ZMYM2: variants seen among roughly 807,000 people sequenced by gnomAD.
The protein encoded by ZMYM2 is zinc finger MYM-type protein 2.
ZMYM2 carries 56 observed loss-of-function variants against 162.8 expected under a neutral mutation model. The observed-to-expected ratio is 0.34, with a 90% CI of 0.28 to 0.43. The LOEUF is 0.43. Among genes scored for constraint, ZMYM2 ranks in the 20% least tolerant of loss-of-function variants. The pLI is 1.00. For synonymous variants in ZMYM2, 510 were observed against 541.6 expected (o/e 0.94, Z 0.81); for missense variants, 1,275 against 1,621.8 (o/e 0.79, Z 3.67).
intron 2 of ZMYM2, among the ~76,000 whole-genome samples, chr13:19,971,250 A>G (rs1397770244): frequency 1.7e-4 from 16 of 91,684 alleles, no homozygotes; most frequent in Non-Finnish European, 2.9e-4. Flanking sequence ...GTGTGTATAT[A>G]TATATATATA....
the ZMYM2 span, among the ~76,000 whole-genome samples, chr13:19,893,837 T>G: frequency 6.6e-6 from 1 of 151,674 alleles, no homozygotes; most frequent in Admixed American, 6.6e-5. Context: ...AAATATATCT[T>G]TTTTAAAGAG....
At chr13:19,956,920 TTC>T (rs1324903716), upstream of ZMYM2, among the ~76,000 whole-genome samples, 1 of 152,196 alleles carries the variant, frequency 6.6e-6, no homozygotes, top group Admixed American at 6.5e-5. Flanking sequence ...GTTGTGATGT[TTC>T]TGTTGTGATG....
At chr13:19,951,976 G>A in the ZMYM2 span, among the ~76,000 whole-genome samples, 2 of 152,236 alleles carry the variant, frequency 1.3e-5, no homozygotes, top group Admixed American at 6.5e-5. Context: ...CCAGGATATG[G>A]AGTATATGTA....
intron 2 of ZMYM2, among the ~76,000 whole-genome samples, chr13:19,962,388 C>T (rs951406982): frequency 2.0e-5 from 3 of 151,034 alleles, no homozygotes; most frequent in African/African-American, 7.3e-5. Flanking sequence ...GTTATATTTC[C>T]TGTCTCTCTA....
At chr13:19,893,705 A>T in the ZMYM2 span, among the ~76,000 whole-genome samples, 1 of 151,896 alleles carries the variant, frequency 6.6e-6, no homozygotes, top group Non-Finnish European at 1.5e-5. Flanking sequence ...ACACGACTGC[A>T]GTCTAGCCTG....
chr13:20,006,492 A>G lies in ZMYM2; in HGVS notation c.1418A>G (p.Tyr473Cys), dbSNP rs575598366. The change falls in exon 6 of 25, where the codon TAC becomes TGC. Residue 473 changes from tyrosine (Y) to cysteine (C), a missense_variant. By Grantham distance (194) the Tyr-to-Cys change is radical. This residue lies in a region of ZMYM2 where 276 missense variants were observed against 311.8 expected (regional missense o/e 0.89). Coordinates refer to ENST00000610343, the MANE Select transcript of ZMYM2 (RefSeq NM_197968.4). Reference protein sequence around the residue: ...IMNCCEQCGEYLPSKGAGNNV... With the variant: ...IMNCCEQCGECLPSKGAGNNV... ...AATTGCTGTGAACAGTGTGGAGAGT[A>G]CTTGCCCAGTAAAGGTGCTGGAAAT... 6.2e-7 allele frequency: 1 copy of G among 1,613,864 alleles called. No individual in the cohort carries two copies. The highest frequency in any genetic ancestry group is 1.1e-5 in the South Asian group (1 of 91,038).
chr13:20,069,141 G>A (rs928563780), intron 21 of ZMYM2, among the ~76,000 whole-genome samples: 2 of 152,062 alleles, frequency 1.3e-5, no homozygotes, highest in Non-Finnish European at 2.9e-5. Context: ...ATTCTAGTAG[G>A]TGGTCTTGTT....
At position 20,045,049 on chromosome 13, in the gene ZMYM2, C is replaced by CAAAAAAAAA. The variant is rs933854935; in HGVS notation, c.2293-6369_2293-6361dup. Among the ~76,000 whole-genome samples, 6 of 47,458 alleles carry CAAAAAAAAA rather than the reference C, an allele frequency of 1.3e-4. 1 individual carries two copies. The highest frequency in any genetic ancestry group is 2.3e-4 in the African/African-American group (3 of 13,034). The allele number at this position is 47,458 out of a possible 152,430, so 31.1% of individuals were successfully genotyped here. On this transcript the variant is annotated intron_variant, in intron 12 of 24. Transcript: ENST00000610343. Reference sequence around the variant, plus strand: ...CGGGCGACAGAGCAAGACTCTGTGTCAAAAAAAAAAAAAAAAAAAAAAAGC... The same window carrying CAAAAAAAAA: ...CGGGCGACAGAGCAAGACTCTGTGTCAAAAAAAAAAAAAAAAAAAAAAAAAAAAAAAAGC...
At chr13:20,084,915 C>T (rs1477436206) in intron 24 of ZMYM2, among the ~76,000 whole-genome samples, 14 of 152,112 alleles carry the variant, frequency 9.2e-5, no homozygotes, top group Admixed American at 1.3e-4. Context: ...AAGTTGAATG[C>T]GCCTTATCCA....
At chr13:20,080,565 C>T (rs1957844353) in intron 21 of ZMYM2, among the ~76,000 whole-genome samples, 1 of 151,942 alleles carries the variant, frequency 6.6e-6, no homozygotes, top group East Asian at 1.9e-4. Flanking sequence ...TCATGGCTCA[C>T]TGCAGCTTTG....
intron 6 of ZMYM2, among the ~76,000 whole-genome samples, chr13:20,007,398 A>G (rs1950827598): frequency 6.6e-6 from 1 of 152,042 alleles, no homozygotes; most frequent in Non-Finnish European, 1.5e-5. Context: ...CAGCCTCCCA[A>G]AGTGGTGGGA....
At chr13:19,963,046 C>T (rs1955422454) in intron 2 of ZMYM2, among the ~76,000 whole-genome samples, 1 of 151,780 alleles carries the variant, frequency 6.6e-6, no homozygotes, top group South Asian at 2.1e-4. Flanking sequence ...ACCATGTTGG[C>T]CAGACTGGTC....
chr13:20,006,654 C>T, intron 6 of ZMYM2, 68 bp downstream of exon 6: 1 of 1,427,898 alleles, frequency 7.0e-7, no homozygotes, highest in Non-Finnish European at 9.7e-7. Flanking sequence ...AATACTTTTA[C>T]TCTAACAGTG....
chr13:20,022,462 T>G (rs1952201631), intron 7 of ZMYM2, among the ~76,000 whole-genome samples: 1 of 152,176 alleles, frequency 6.6e-6, no homozygotes, highest in African/African-American at 2.4e-5. Flanking sequence ...GTCTGTCAGG[T>G]TTCTCCAGGG....
At chr13:19,926,767 A>T in the ZMYM2 span, among the ~76,000 whole-genome samples, 2 of 152,178 alleles carry the variant, frequency 1.3e-5, no homozygotes, top group Non-Finnish European at 2.9e-5. Flanking sequence ...TCCTGTGCTC[A>T]AGTGATCCTC....
chr13:19,901,450 G>A, the ZMYM2 span, among the ~76,000 whole-genome samples: 1 of 152,136 alleles, frequency 6.6e-6, no homozygotes, highest in South Asian at 2.1e-4. Context: ...AGCCAGAAAA[G>A]GAAGGAAGCA....
the ZMYM2 span, among the ~76,000 whole-genome samples, chr13:19,918,502 T>C: frequency 2.5e-4 from 33 of 130,856 alleles, no homozygotes; most frequent in Middle Eastern, 3.4e-3. Context: ...TTTCTTTTTT[T>C]TTTTTTTTTT....
chr13:20,056,338 C>T (rs1955792804), intron 14 of ZMYM2, among the ~76,000 whole-genome samples: 1 of 152,190 alleles, frequency 6.6e-6, no homozygotes. Flanking sequence ...AAAACTTAGC[C>T]TTCAAAGTTT....
intron 2 of ZMYM2, among the ~76,000 whole-genome samples, chr13:19,990,152 A>G (rs549280193): frequency 1.3e-5 from 2 of 152,354 alleles, no homozygotes; most frequent in African/African-American, 4.8e-5. Flanking sequence ...ACCTTTAGTT[A>G]GAATTAATGC....
Sources: allele counts gnomAD v4.1 joint callset (sites outside exome capture counted in the v4.1 genomes callset), GRCh38; gene constraint gnomAD v4.1.1; regional missense constraint gnomAD v4.1.1; transcripts MANE v1.5; gene names NCBI Gene and HGNC (gene_info 2026-07-23, HGNC 2026-07-21).